Variants in CRX observed in about 807,000 individuals in gnomAD.
CRX encodes cone-rod homeobox, also known as cone-rod homeobox protein.
Under a neutral mutation model 13.1 loss-of-function variants are expected in CRX, and 5 were observed. The ratio of observed to expected loss-of-function variants is 0.38; its 90% CI spans 0.20 to 0.80. The LOEUF is 0.80. Ranked by LOEUF, CRX falls within the 30% of genes least tolerant of loss-of-function variation. The pLI, the probability that CRX is intolerant of heterozygous loss-of-function variation, is 0.43. For missense variants in CRX, 351 were observed against 391.8 expected (o/e 0.90, Z 0.88); for synonymous variants, 179 against 171.1 (o/e 1.05, Z -0.36).
Position 47,834,414 on chromosome 19 carries a change from CT to C in CRX, c.-29del, listed in dbSNP as rs1968091098. 1 of 1,542,350 alleles carries C rather than the reference CT, an allele frequency of 6.5e-7. No homozygotes were observed. Among genetic ancestry groups the C allele is most frequent in the South Asian group, 1.1e-5 (1 of 89,614 alleles). ...TCCCTCCTCTTCTCTTGCAGGCCCC[CT>C]GACTTGGGCCTCAGTGTCCCCGAAG... On this transcript the variant is annotated 5_prime_UTR_variant, in exon 2 of 4. Coordinates refer to ENST00000221996, the MANE Select transcript of CRX (RefSeq NM_000554.6).
chr19:47,840,423 A>T lies in CRX; in HGVS notation c.*456A>T, dbSNP rs1371156560. On this transcript the variant is annotated 3_prime_UTR_variant, in exon 4 of 4. Transcript: ENST00000221996. ...TTTTTGTTTTGTTTTTGTTTTGCAG[A>T]CACAGTCTAGCTCTGTCGCCCAGGC... 1 of 216,608 alleles carries T rather than the reference A, an allele frequency of 4.6e-6. No individual in the cohort carries two copies. The highest frequency in any genetic ancestry group is 9.4e-6 in the Non-Finnish European group (1 of 106,414). 13.4% of individuals were successfully genotyped at this position (216,608 alleles called of 1,614,324 possible).
chr19:47,822,240 C>T (rs1015215050), intron 1 of CRX, among the ~76,000 whole-genome samples: 5 of 152,124 alleles, frequency 3.3e-5, no homozygotes, highest in African/African-American at 9.7e-5. Context: ...TGATGGCACT[C>T]GGGGCATTGG....
intron 1 of CRX, among the ~76,000 whole-genome samples, chr19:47,830,652 TG>T (rs1466631340): frequency 2.6e-5 from 4 of 151,456 alleles, no homozygotes; most frequent in Non-Finnish European, 4.4e-5. Context: ...AAAAATTAGC[TG>T]GGTGTGGTGG....
intron 1 of CRX, among the ~76,000 whole-genome samples, chr19:47,823,450 C>G (rs963368992): frequency 1.7e-4 from 26 of 152,184 alleles, no homozygotes; most frequent in African/African-American, 6.0e-4. Context: ...TGCTCAGGCT[C>G]TAACTGTGCC....
chr19:47,840,268 T>G lies in CRX; in HGVS notation c.*301T>G. On this transcript the variant is annotated 3_prime_UTR_variant, in exon 4 of 4. Coordinates refer to ENST00000221996, the MANE Select transcript of CRX (RefSeq NM_000554.6). ...GGCTTCAGAAAGTGGTGCTGAGAAC[T>G]TGCTCCAAGAAGAAGTCAAACCAAA... 2.6e-6 allele frequency: 1 copy of G among 388,580 alleles called. No individual in the cohort carries two copies. The allele number at this position is 388,580 out of a possible 1,614,324, so 24.1% of individuals were successfully genotyped here.
chr19:47,836,460 A>G, intron 3 of CRX, 66 bp downstream of exon 3: 1 of 1,599,258 alleles, frequency 6.3e-7, no homozygotes, highest in Non-Finnish European at 8.6e-7. Context: ...TGCCCGGAAC[A>G]AAGAGTGATG....
intron 1 of CRX, among the ~76,000 whole-genome samples, chr19:47,825,329 T>C (rs1196077578): frequency 1.3e-5 from 2 of 151,060 alleles, no homozygotes; most frequent in African/African-American, 4.9e-5. Flanking sequence ...GGCTGGATCA[T>C]AGCTCACTGC....
At position 47,839,246 on chromosome 19, in the gene CRX, A is replaced by C; in HGVS notation, c.253-74A>C. 1.3e-6 allele frequency: 2 copies of C among 1,509,460 alleles called. No individual in the cohort carries two copies. The highest frequency in any genetic ancestry group is 1.8e-6 in the Non-Finnish European group (2 of 1,114,688). The allele number at this position is 1,509,460 out of a possible 1,614,324, so 93.5% of individuals were successfully genotyped here. ...GCACCTCTCACCAATAAGTGTCCTCATCCCCGGGCACCCTGCGGCTCTCCT... is the reference window on the plus strand; with the variant it reads ...GCACCTCTCACCAATAAGTGTCCTCCTCCCCGGGCACCCTGCGGCTCTCCT... On this transcript the variant is annotated intron_variant, in intron 3 of 3. Transcript: ENST00000221996. This position sits in a 1 kb window ranked among gnomAD's most constrained non-coding sequence, Gnocchi z 4.6.
At chr19:47,837,732 T>G (rs1427512629) in intron 3 of CRX, among the ~76,000 whole-genome samples, 1 of 151,614 alleles carries the variant, frequency 6.6e-6, no homozygotes, top group African/African-American at 2.4e-5. Context: ...GTGTATGACC[T>G]ATGTTTATAT....
rs147422878 is a variant in CRX, at chr19:47,839,508, C to T, written c.441C>T (p.Pro147=). ...CAGATTCCTACAGTCCCCCTCTGCC[C>T]GGCCCCTCAGGCTCCCCAACCACGG... ...GISDSYSPPL[P]GPSGSPTTAV... is the part of the protein sequence containing the mutation. Residue 147 remains proline (P), a synonymous_variant, in exon 4 of 4, where the codon CCC becomes CCT. Coordinates refer to ENST00000221996, the MANE Select transcript of CRX (RefSeq NM_000554.6). The surrounding 1 kb of genome is among the most constrained non-coding windows in gnomAD (Gnocchi z 4.6). 42 of 1,613,864 alleles carry T rather than the reference C, an allele frequency of 2.6e-5. No individual in the cohort carries two copies. The African/African-American group carries it at 3.5e-4, about 13-fold the overall frequency.
At chr19:47,823,048 A>G (rs1375911282) in intron 1 of CRX, among the ~76,000 whole-genome samples, 1 of 152,126 alleles carries the variant, frequency 6.6e-6, no homozygotes, top group Non-Finnish European at 1.5e-5. Context: ...AGCCCGCCTG[A>G]GCCTCCCAAA....
intron 3 of CRX, among the ~76,000 whole-genome samples, chr19:47,838,557 C>T (rs62128802): frequency 0.12 from 18,595 of 151,858 alleles, 1,536 homozygotes; most frequent in Non-Finnish European, 0.18. Flanking sequence ...ATGATGTATG[C>T]GTGTATGATG....
intron 2 of CRX, 124 bp from the exon 3 acceptor site, chr19:47,836,119 G>A: frequency 8.2e-7 from 1 of 1,217,152 alleles, no homozygotes; most frequent in Non-Finnish European, 1.2e-6. Flanking sequence ...CAGGGAATGT[G>A]TATTCCATCC....
intron 1 of CRX, among the ~76,000 whole-genome samples, chr19:47,832,438 G>T (rs12973763): frequency 0.48 from 73,441 of 151,476 alleles, 18,578 homozygotes; most frequent in Middle Eastern, 0.62. Context: ...TTTTTGTAGA[G>T]ACAGGAGAGT....
In CRX at chr19:47,834,078, G is replaced by A. The variant is rs1458339006; in HGVS notation, c.-35-331G>A. Among the ~76,000 whole-genome samples the A allele has an allele frequency of 4.0e-5, 6 of 150,218 alleles. No homozygotes were observed. The South Asian group carries it at 1.3e-3, about 32-fold the overall frequency. On this transcript the variant is annotated intron_variant, in intron 1 of 3. Coordinates refer to ENST00000221996, the MANE Select transcript of CRX (RefSeq NM_000554.6). ...ACTCCTGGGCTCAAGTGATCCTCCC[G>A]CCTTGGCCTCCCAAAGTGCTGGGAT...
chr19:47,825,113 C>T (rs1749860374), intron 1 of CRX, among the ~76,000 whole-genome samples: 1 of 151,048 alleles, frequency 6.6e-6, no homozygotes, highest in African/African-American at 2.4e-5. Context: ...ACCTCAGCCT[C>T]CCCAGAAGCT....
chr19:47,837,540 T>C (rs748329268), intron 3 of CRX, among the ~76,000 whole-genome samples: 9 of 152,316 alleles, frequency 5.9e-5, no homozygotes, highest in Non-Finnish European at 1.3e-4. Context: ...ATGTGTGTGT[T>C]AGTATGATTG....
chr19:47,828,648 C>A (rs952297626), intron 1 of CRX, among the ~76,000 whole-genome samples: 2 of 135,680 alleles, frequency 1.5e-5, no homozygotes, highest in Non-Finnish European at 3.2e-5. Flanking sequence ...AGTTTAGGGG[C>A]GTAGGTTGCT....
chr19:47,836,474 G>A, intron 3 of CRX, 80 bp downstream of exon 3: 3 of 1,577,522 alleles, frequency 1.9e-6, no homozygotes, highest in Non-Finnish European at 2.6e-6. Flanking sequence ...AGTGATGGGA[G>A]GAGGGAGAGA....
Sources: gnomAD v4.1 joint callset for allele counts (sites outside exome capture counted in the v4.1 genomes callset) on GRCh38, gnomAD v4.1.1 for gene constraint, Gnocchi (gnomAD v3.1) non-coding constraint, MANE v1.5 for transcripts, NCBI Gene and HGNC (gene_info 2026-07-23, HGNC 2026-07-21) for gene names.